MYO1C: variants seen among roughly 807,000 people sequenced by gnomAD.
MYO1C encodes the protein unconventional myosin-Ic.
In MYO1C, 104 loss-of-function variants were observed where a neutral mutation model predicts 150.8. That is an observed-to-expected ratio of 0.69 (90% confidence interval 0.59 to 0.81). The LOEUF is 0.81. Among genes scored for constraint, MYO1C ranks in the 30% least tolerant of loss-of-function variants. The pLI is 0.00. For missense variants in MYO1C, 1,504 were observed against 1,435.0 expected, an observed-to-expected ratio of 1.05 and a Z score of -0.78; for synonymous variants, 663 against 579.9, an observed-to-expected ratio of 1.14 and a Z score of -2.06.
At chr17:1,486,911 C>G (rs557446146) in intron 1 of MYO1C, 1 of 152,454 alleles carries the variant, frequency 6.6e-6, no homozygotes, top group South Asian at 2.1e-4. Flanking sequence ...ACCTCCCTCG[C>G]TTGGCTCTGC....
Position 1,465,583 on chromosome 17 carries a change from G to T in MYO1C, c.*143C>A. On this transcript the variant is annotated 3_prime_UTR_variant, in exon 32 of 32. Coordinates refer to ENST00000648651, the MANE Select transcript of MYO1C (RefSeq NM_001080779.2). Reference sequence around the variant, plus strand: ...GCCCCTGCTGCTCCCTCAAGAGAGGGATGGGCAGGAGGTGGGAGATTGCAG... The same window carrying T: ...GCCCCTGCTGCTCCCTCAAGAGAGGTATGGGCAGGAGGTGGGAGATTGCAG... 1.1e-6 allele frequency: 1 copy of T among 893,344 alleles called. No individual in the cohort carries two copies. Among genetic ancestry groups the T allele is most frequent in the Non-Finnish European group, 1.6e-6 (1 of 639,614 alleles). The allele number at this position is 893,344 out of a possible 1,614,324, so 55.3% of individuals were successfully genotyped here.
rs2150936093 is a variant in MYO1C, at chr17:1,470,446, C to T, written c.2355G>A (p.Gln785=). ...ACCCTGGCGCTCACCGCCGGATGGTCTGTGCCGCCCACTTCCTCTTGGCTG... is the reference window on the plus strand; with the variant it reads ...ACCCTGGCGCTCACCGCCGGATGGTTTGTGCCGCCCACTTCCTCTTGGCTG... ...RKAAKRKWAA[Q]TIRRLIRGFV... Residue 785 remains glutamine (Q), a synonymous_variant, in exon 23 of 32, where the codon CAG becomes CAA. Coordinates refer to ENST00000648651, the MANE Select transcript of MYO1C (RefSeq NM_001080779.2). 6.4e-7 allele frequency: 1 copy of T among 1,550,644 alleles called. No homozygotes were observed. The highest frequency in any genetic ancestry group is 2.0e-5 in the Admixed American group (1 of 51,030).
chr17:1,491,563 C>T (rs2074734844), intron 1 of MYO1C: 1 of 942,694 alleles, frequency 1.1e-6, no homozygotes, highest in Non-Finnish European at 1.3e-6. Flanking sequence ...CCACACCCGC[C>T]CCCCGCGGCC....
chr17:1,485,025 G>C lies in MYO1C; in HGVS notation c.76-722C>G, dbSNP rs538851897. 4 of 1,035,222 alleles carry C rather than the reference G, an allele frequency of 3.9e-6. No individual in the cohort carries two copies. The South Asian group carries it at 3.9e-5, about 10-fold the overall frequency. 64.1% of individuals were successfully genotyped at this position (1,035,222 alleles called of 1,614,324 possible). On this transcript the variant is annotated intron_variant, in intron 1 of 31. Coordinates refer to ENST00000648651, the MANE Select transcript of MYO1C (RefSeq NM_001080779.2). The stretch of plus-strand genomic sequence containing the variant: ...CAGAACGCGGGGGAGGCCCTCCCTC[G>C]CATGGCTGGGGCCACTCCCTTTCCT...
At chr17:1,483,318 G>A (rs1184302392) in intron 3 of MYO1C, among the ~76,000 whole-genome samples, 1 of 151,700 alleles carries the variant, frequency 6.6e-6, no homozygotes, top group Non-Finnish European at 1.5e-5. Flanking sequence ...AGTCACTCAC[G>A]GGTAGGGCTG....
At position 1,492,364 on chromosome 17, in the gene MYO1C, T is replaced by C. The variant is rs771997324; in HGVS notation, c.75+49A>G. 27 of 1,549,314 alleles carry C rather than the reference T, an allele frequency of 1.7e-5. No homozygotes were observed. In the South Asian group the frequency reaches 2.9e-4, roughly 17 times the overall value. Reference sequence around the variant, plus strand: ...CTCGCCTGAGAGGGGCTGCCCGGCCTTGGGGAGACGCTCCCACCCTCCTCC... The same window carrying C: ...CTCGCCTGAGAGGGGCTGCCCGGCCCTGGGGAGACGCTCCCACCCTCCTCC... On this transcript the variant is annotated intron_variant, in intron 1 of 31. Coordinates refer to ENST00000648651, the MANE Select transcript of MYO1C (RefSeq NM_001080779.2).
rs1392573094 is a variant in MYO1C at position 1,492,586 on chromosome 17, C to T, written c.-99G>A. On this transcript the variant is annotated 5_prime_UTR_variant, in exon 1 of 32. Coordinates refer to ENST00000648651, the MANE Select transcript of MYO1C (RefSeq NM_001080779.2). ...CGACCACTCCGGGACCAGGAACCTA[C>T]GGTCTAACGCCGGGATGGCCACTTG... The T allele has an allele frequency of 5.3e-6, 6 of 1,140,440 alleles. No homozygotes were observed. Among genetic ancestry groups the T allele is most frequent in the African/African-American group, 1.5e-5 (1 of 64,876 alleles). The allele number at this position is 1,140,440 out of a possible 1,614,324, so 70.6% of individuals were successfully genotyped here. A position where few individuals can be genotyped will look rare whatever the true frequency, so the allele number is the denominator to read the frequency against.
Position 1,479,487 on chromosome 17 carries a change from CT to C in MYO1C, c.1035del (p.Gly346AlafsTer8). 1 of 1,520,024 alleles carries C rather than the reference CT, an allele frequency of 6.6e-7. No individual in the cohort carries two copies. Among genetic ancestry groups the C allele is most frequent in the Non-Finnish European group, 8.9e-7 (1 of 1,118,634 alleles). The allele number at this position is 1,520,024 out of a possible 1,614,324, so 94.2% of individuals were successfully genotyped here. Reference protein sequence around the residue: ...LKYLTRLLSVEGSTLREALTH... With the variant: ...LKYLTRLLSVXGSTLREALTH... ...GTCAGGGCTTCTCGCAGCGTCGAGC[CT>C]TCCACGCTGAGGAGCTGCCAAGGGC... On this transcript the variant is annotated frameshift_variant, in exon 9 of 32. Coordinates refer to ENST00000648651, the MANE Select transcript of MYO1C (RefSeq NM_001080779.2). LOFTEE classifies it high-confidence loss of function. This position sits in a 1 kb window ranked among gnomAD's most constrained non-coding sequence, Gnocchi z 4.2.
chr17:1,485,241 C>A, intron 1 of MYO1C: 3 of 1,161,264 alleles, frequency 2.6e-6, no homozygotes, highest in South Asian at 1.7e-5. Flanking sequence ...GGTCTCAGGG[C>A]TCCAAAAAAT....
In MYO1C at chr17:1,467,470, C is replaced by G. The variant is rs758340102; in HGVS notation, c.3065+10G>C. On this transcript the variant is annotated intron_variant, in intron 30 of 31. Transcript: ENST00000648651. Reference sequence around the variant, plus strand: ...CCCCGCCCTGTCCCCGGGGGCCGCCCGCGCCTCACCTGCCCTGGTTGATGT... The same window carrying G: ...CCCCGCCCTGTCCCCGGGGGCCGCCGGCGCCTCACCTGCCCTGGTTGATGT... 6.2e-7 allele frequency: 1 copy of G among 1,612,356 alleles called. No individual in the cohort carries two copies. Among genetic ancestry groups the G allele is most frequent in the South Asian group, 1.1e-5 (1 of 91,066 alleles).
chr17:1,479,860 G>A lies in MYO1C; in HGVS notation c.907-155C>T, dbSNP rs1343821117. Reference sequence around the variant, plus strand: ...GTTAAAGGTGGAAGGTGATTCTGCGGGTGGGATGGGCACGGTGGCTGACGC... The same window carrying A: ...GTTAAAGGTGGAAGGTGATTCTGCGAGTGGGATGGGCACGGTGGCTGACGC... On this transcript the variant is annotated intron_variant, in intron 7 of 31. Coordinates refer to ENST00000648651, the MANE Select transcript of MYO1C (RefSeq NM_001080779.2). The surrounding 1 kb of genome is among the most constrained non-coding windows in gnomAD (Gnocchi z 4.2). Among the ~76,000 whole-genome samples, 5 of 152,100 alleles carry A rather than the reference G, an allele frequency of 3.3e-5. No individual in the cohort carries two copies. The highest frequency in any genetic ancestry group is 5.9e-5 in the Non-Finnish European group (4 of 68,002).
rs1018798511 is a variant in MYO1C, at chr17:1,477,985, G to A, written c.1402-14C>T. 6.2e-6 allele frequency: 10 copies of A among 1,613,862 alleles called. No homozygotes were observed. Among genetic ancestry groups the A allele is most frequent in the Non-Finnish European group, 8.5e-6 (10 of 1,179,710 alleles). ...GACGGGCTCCCACTGAGGGGCAGAAGGGAAGGAAGGGATCACCGTGGGGTC... is the reference window on the plus strand; with the variant it reads ...GACGGGCTCCCACTGAGGGGCAGAAAGGAAGGAAGGGATCACCGTGGGGTC... On this transcript the variant is annotated splice_polypyrimidine_tract_variant and intron_variant, in intron 12 of 31. Coordinates refer to ENST00000648651, the MANE Select transcript of MYO1C (RefSeq NM_001080779.2).
At position 1,474,621 on chromosome 17, in the gene MYO1C, G is replaced by A. The variant is rs747161962; in HGVS notation, c.1786C>T (p.Arg596Trp). The A allele has an allele frequency of 7.4e-6, 12 of 1,613,710 alleles. No homozygotes were observed. The highest frequency in any genetic ancestry group is 6.6e-5 in the South Asian group (6 of 91,084). ...FDRSELSDKKRPETVATQFKM... is the reference protein window; with the variant it reads ...FDRSELSDKKWPETVATQFKM... The stretch of plus-strand genomic sequence containing the variant: ...CGCCACCTCCTCACCGTCTCTGGCC[G>A]CTTCTTGTCACTGAGCTCGCTCCGG... The change falls in exon 17 of 32, where the codon CGG (arginine) becomes TGG (tryptophan). Residue 596 changes from arginine to tryptophan, a missense_variant. Coordinates refer to ENST00000648651, the MANE Select transcript of MYO1C (RefSeq NM_001080779.2).
At chr17:1,471,831 T>C (rs995594863) in intron 19 of MYO1C, 76 bp downstream of exon 19, 5 of 1,470,908 alleles carry the variant, frequency 3.4e-6, no homozygotes, top group Non-Finnish European at 4.8e-6. Flanking sequence ...CGAGAACCCT[T>C]GTCTGCCCTC....
Position 1,476,149 on chromosome 17 carries a change from C to T in MYO1C, c.1575-1117G>A, listed in dbSNP as rs1475118818. Among the ~76,000 whole-genome samples, 8 of 151,752 alleles carry T rather than the reference C, an allele frequency of 5.3e-5. No homozygotes were observed. In the South Asian group the frequency reaches 1.0e-3, roughly 20 times the overall value. The stretch of plus-strand genomic sequence containing the variant: ...TAATGAATCAGGCAGCCCCTAAACC[C>T]GAATAGATTCAGAGAGACTCCTAGA... On this transcript the variant is annotated intron_variant, in intron 14 of 31. Coordinates refer to ENST00000648651, the MANE Select transcript of MYO1C (RefSeq NM_001080779.2).
chr17:1,471,096 G>A lies in MYO1C; in HGVS notation c.2187C>T (p.Ala729=). 6.2e-7 allele frequency: 1 copy of A among 1,614,108 alleles called. No homozygotes were observed. The highest frequency in any genetic ancestry group is 8.5e-7 in the Non-Finnish European group (1 of 1,179,980). Residue 729 remains alanine, a synonymous_variant, in exon 21 of 32, where the codon GCC becomes GCT. Coordinates refer to ENST00000648651, the MANE Select transcript of MYO1C (RefSeq NM_001080779.2). ...CCAGGCTCTGCCGCCGGACCTCCAG[G>A]GCATCCTCTGTGGCAAACAGGGTCT... The part of the protein sequence containing the change: ...FPKTLFATED[A]LEVRRQSLAT...
intron 1 of MYO1C, chr17:1,491,785 G>T: frequency 2.3e-6 from 1 of 439,148 alleles, no homozygotes; most frequent in Non-Finnish European, 3.0e-6. Flanking sequence ...GGCCGCGTCC[G>T]CGAAGCCTCG....
intron 14 of MYO1C, chr17:1,477,147 C>G (rs1361690650): frequency 4.0e-6 from 1 of 250,728 alleles, no homozygotes; most frequent in Non-Finnish European, 7.9e-6. Context: ...CCTTCTTTCT[C>G]TTTTTTAAAA....
intron 30 of MYO1C, 39 bp downstream of exon 30, chr17:1,467,441 C>A (rs371630529): frequency 6.8e-6 from 11 of 1,607,174 alleles, no homozygotes; most frequent in South Asian, 1.1e-5. Flanking sequence ...AGCCCCCTCG[C>A]CACCCCCGCC....
Sources: allele counts gnomAD v4.1 joint callset (sites outside exome capture counted in the v4.1 genomes callset), GRCh38; gene constraint gnomAD v4.1.1; non-coding constraint Gnocchi (gnomAD v3.1); transcripts MANE v1.5; gene names NCBI Gene and HGNC (gene_info 2026-07-23, HGNC 2026-07-21).